The following ANKFN1 variants were observed in gnomAD, a reference collection of about 807,000 sequenced individuals.
ANKFN1 encodes ankyrin repeat and fibronectin type-III domain-containing protein 1.
ANKFN1 carries 74 observed loss-of-function variants against 108.7 expected under a neutral mutation model. That is an observed-to-expected ratio of 0.68 (90% CI 0.56 to 0.83). The LOEUF is 0.83. ANKFN1 is among the 40% of genes least tolerant of loss of function. The pLI is 0.00. For missense variants in ANKFN1, 1,505 were observed against 1,382.3 expected, an observed-to-expected ratio of 1.09 and a Z score of -1.41; for synonymous variants, 547 against 516.2, an observed-to-expected ratio of 1.06 and a Z score of -0.81.
intron 1 of ANKFN1, among the ~76,000 whole-genome samples, chr17:56,183,718 T>C (rs1014043769): frequency 6.6e-6 from 1 of 152,182 alleles, no homozygotes; most frequent in African/African-American, 2.4e-5. Flanking sequence ...ATTAAACCTC[T>C]TTTCTCTATA....
intron 4 of ANKFN1, among the ~76,000 whole-genome samples, chr17:56,141,643 G>A (rs1907920167): frequency 6.6e-6 from 1 of 152,040 alleles, no homozygotes; most frequent in African/African-American, 2.4e-5. Flanking sequence ...TAGGATAAAG[G>A]ATCATTCGCA....
Position 56,398,297 on chromosome 17 carries a change from G to A in ANKFN1, c.910+23583G>A, listed in dbSNP as rs968025138. 5.3e-5 allele frequency among the ~76,000 whole-genome samples: 8 copies of A among 152,124 alleles called. No homozygotes were observed. In the East Asian group the frequency reaches 1.5e-3, roughly 29 times the overall value. The stretch of plus-strand genomic sequence containing the variant: ...ACCTCTCATTTCTGGCCCTGGAAGT[G>A]CCTGTGAACATGGATATGATTAGTC... On this transcript the variant is annotated intron_variant, in intron 8 of 20. Transcript: ENST00000682825.
intron 18 of ANKFN1, among the ~76,000 whole-genome samples, chr17:56,484,402 A>G (rs2050798276): frequency 6.6e-6 from 1 of 152,224 alleles, no homozygotes; most frequent in Non-Finnish European, 1.5e-5. Context: ...AAAAAAAAGA[A>G]AAGTTGCCCC....
chr17:56,097,815 G>T, intron 4 of ANKFN1, among the ~76,000 whole-genome samples: 1 of 152,136 alleles, frequency 6.6e-6, no homozygotes. Flanking sequence ...AGCACTTGCT[G>T]TTTTCTTGGC....
chr17:56,121,884 G>A (rs1232892142), intron 4 of ANKFN1, among the ~76,000 whole-genome samples: 1 of 152,182 alleles, frequency 6.6e-6, no homozygotes, highest in Non-Finnish European at 1.5e-5. Context: ...GAAGCCTTTG[G>A]TTTCTGGATC....
At chr17:56,254,000 C>T (rs1286266413) in intron 3 of ANKFN1, 2 of 152,158 alleles carry the variant, frequency 1.3e-5, no homozygotes, top group Non-Finnish European at 2.9e-5. Context: ...ATGGAACATT[C>T]AAGGTTATAA....
At chr17:56,130,661 A>G (rs1199428942) in intron 4 of ANKFN1, among the ~76,000 whole-genome samples, 1 of 152,038 alleles carries the variant, frequency 6.6e-6, no homozygotes, top group African/African-American at 2.4e-5. Flanking sequence ...GGATTGAAGG[A>G]TATTTCGATC....
chr17:56,201,710 C>T (rs1280047034), intron 1 of ANKFN1, among the ~76,000 whole-genome samples: 1 of 151,780 alleles, frequency 6.6e-6, no homozygotes, highest in African/African-American at 2.4e-5. Context: ...ATCTAATTCT[C>T]TATATATCTG....
chr17:56,474,674 C>G (rs549995729), intron 15 of ANKFN1, among the ~76,000 whole-genome samples: 43 of 152,030 alleles, frequency 2.8e-4, no homozygotes, highest in African/African-American at 9.9e-4. Context: ...AGCAAGTATC[C>G]CAAGGTGCAT....
intron 3 of ANKFN1, among the ~76,000 whole-genome samples, chr17:56,277,531 A>G (rs1229937347): frequency 6.6e-6 from 1 of 152,080 alleles, no homozygotes; most frequent in African/African-American, 2.4e-5. Flanking sequence ...TTCTTATATA[A>G]TCCTCACAGT....
At chr17:56,228,329 C>G (rs946040012) in intron 3 of ANKFN1, 5 of 208,768 alleles carry the variant, frequency 2.4e-5, no homozygotes, top group Non-Finnish European at 3.8e-5. Flanking sequence ...CGTGTGGTCA[C>G]AGACTGTTTC....
chr17:56,232,755 A>G lies in ANKFN1; in HGVS notation c.53+4798A>G, dbSNP rs556354111. ...AACCAGATGCTCAGTAAATGCTTAC[A>G]TTAACTCAATCAACAGAATCAAATA... On this transcript the variant is annotated intron_variant, in intron 3 of 20. Transcript: ENST00000682825. Among the ~76,000 whole-genome samples, 3 of 152,272 alleles carry G rather than the reference A, an allele frequency of 2.0e-5. No individual in the cohort carries two copies. The South Asian group carries it at 6.2e-4, about 32-fold the overall frequency.
intron 8 of ANKFN1, among the ~76,000 whole-genome samples, chr17:56,399,365 T>C (rs2047680918): frequency 1.3e-5 from 2 of 151,930 alleles, no homozygotes; most frequent in Non-Finnish European, 2.9e-5. Context: ...TTAAGAGAAC[T>C]TCAACAAAAA....
chr17:56,278,039 G>T (rs982258580), intron 3 of ANKFN1, among the ~76,000 whole-genome samples: 1 of 152,158 alleles, frequency 6.6e-6, no homozygotes, highest in South Asian at 2.1e-4. Context: ...AACATTTATA[G>T]AGCAAATATC....
intron 1 of ANKFN1, among the ~76,000 whole-genome samples, chr17:56,194,702 A>G (rs776805593): frequency 2.8e-4 from 42 of 152,188 alleles, no homozygotes; most frequent in Non-Finnish European, 4.4e-4. Context: ...CCCACAGAAT[A>G]TACAACACTG....
Position 56,480,737 on chromosome 17 carries a change from C to T in ANKFN1, c.2010C>T (p.Asp670=). 6.2e-7 allele frequency: 1 copy of T among 1,614,086 alleles called. No individual in the cohort carries two copies. The change falls in exon 17 of 21, where the codon GAC becomes GAT. Residue 670 remains aspartate, a synonymous_variant. Coordinates refer to ENST00000682825, the MANE Select transcript of ANKFN1 (RefSeq NM_001370326.1). ...ESMESVDHTS[D]CPMQLFFYEL... ...TGGAAAGTGTGGATCATACTTCTGA[C>T]TGCCCCATGCAATTGTTCTTCTACG...
chr17:56,242,835 A>C (rs1917687360), intron 3 of ANKFN1, among the ~76,000 whole-genome samples: 1 of 152,088 alleles, frequency 6.6e-6, no homozygotes, highest in Non-Finnish European at 1.5e-5. Flanking sequence ...GTTAAGAAAA[A>C]GTCTTCTCAT....
chr17:56,264,356 G>C (rs543136006), intron 3 of ANKFN1, among the ~76,000 whole-genome samples: 3 of 152,142 alleles, frequency 2.0e-5, no homozygotes, highest in Non-Finnish European at 4.4e-5. Flanking sequence ...GCCTGCCTGG[G>C]CTGACATGGG....
At chr17:56,157,236 C>T (rs916663356) in intron 1 of ANKFN1, among the ~76,000 whole-genome samples, 4 of 152,260 alleles carry the variant, frequency 2.6e-5, no homozygotes, top group Middle Eastern at 3.4e-3. Context: ...AAGGGAATCC[C>T]AAATACTTGC....
Sources: gnomAD v4.1 joint callset for allele counts (sites outside exome capture counted in the v4.1 genomes callset) on GRCh38, gnomAD v4.1.1 for gene constraint, MANE v1.5 for transcripts, NCBI Gene and HGNC (gene_info 2026-07-23, HGNC 2026-07-21) for gene names.